Variants in FER observed in about 807,000 individuals in gnomAD.
FER encodes the protein tyrosine-protein kinase Fer.
Under a neutral mutation model 111.0 loss-of-function variants are expected in FER, and 63 were observed. The ratio of observed to expected loss-of-function variants is 0.57; its 90% CI spans 0.46 to 0.70. FER has a LOEUF of 0.70. Ranked by LOEUF, FER falls within the 30% of genes least tolerant of loss-of-function variation. FER has a pLI of 0.00. For missense variants in FER, 914 were observed against 954.0 expected (o/e 0.96, Z 0.55); for synonymous variants, 327 against 313.9 (o/e 1.04, Z -0.44).
chr5:109,080,335 G>A (rs1026269626), intron 16 of FER, among the ~76,000 whole-genome samples: 1 of 152,054 alleles, frequency 6.6e-6, no homozygotes, highest in Non-Finnish European at 1.5e-5. Flanking sequence ...TCTGGGAAGT[G>A]ATGAAAGACC....
chr5:109,112,660 G>C (rs1045144859), intron 17 of FER, among the ~76,000 whole-genome samples: 4 of 152,122 alleles, frequency 2.6e-5, no homozygotes, highest in Non-Finnish European at 4.4e-5. Flanking sequence ...GTTTTAGCTG[G>C]TGTGTTTCGA....
intron 16 of FER, 95 bp downstream of exon 16, chr5:109,047,293 C>T: frequency 1.5e-6 from 1 of 686,620 alleles, no homozygotes; most frequent in South Asian, 2.1e-5. Context: ...CTCGTAAAGT[C>T]TCCAAGGATT....
chr5:108,931,901 A>T (rs941022659), intron 10 of FER, among the ~76,000 whole-genome samples: 1 of 152,066 alleles, frequency 6.6e-6, no homozygotes, highest in African/African-American at 2.4e-5. Context: ...TGTCCATTTG[A>T]ATGTGGTAAT....
intron 16 of FER, among the ~76,000 whole-genome samples, chr5:109,077,184 A>G (rs1776444612): frequency 6.6e-6 from 1 of 152,232 alleles, no homozygotes; most frequent in South Asian, 2.1e-4. Context: ...ATGTTGAGGC[A>G]CTGTGGGGCA....
intron 8 of FER, among the ~76,000 whole-genome samples, chr5:108,874,312 C>T (rs1419227702): frequency 6.6e-6 from 1 of 152,044 alleles, no homozygotes. Context: ...GCTCATAAAT[C>T]ATTGTTTCTT....
At chr5:108,759,208 A>T (rs112489411) in intron 1 of FER, among the ~76,000 whole-genome samples, 283 of 152,346 alleles carry the variant, frequency 1.9e-3, no homozygotes, top group African/African-American at 6.1e-3. Context: ...CATCACTCTT[A>T]AGTTCTGCCT....
rs779152611 is a variant in FER at position 108,897,659 on chromosome 5, T to A, written c.1047T>A (p.Asp349Glu). Residue 349 changes from aspartate to glutamate, a missense_variant and splice_region_variant, in exon 10 of 20, where the codon GAT becomes GAA. Asp to Glu is a conservative substitution (Grantham distance 45, BLOSUM62 2). Transcript: ENST00000281092. ...ATCATTTATATTTATTCTCTTTTAG[T>A]ATTGTGCTTCTGCTAAGCCAAAAAC... is the stretch of plus-strand genomic sequence containing the variant. Reference protein sequence around the residue: ...ESSETCEKKSDIVLLLSQKQA... With the variant: ...ESSETCEKKSEIVLLLSQKQA... 2.5e-6 allele frequency: 4 copies of A among 1,583,944 alleles called. No individual in the cohort carries two copies. In the South Asian group the frequency reaches 4.7e-5, roughly 19 times the overall value.
chr5:108,955,860 T>C lies in FER; in HGVS notation c.1533+928T>C, dbSNP rs1160992123. 2.0e-5 allele frequency among the ~76,000 whole-genome samples: 3 copies of C among 151,798 alleles called. No individual in the cohort carries two copies. In the East Asian group the frequency reaches 5.8e-4, roughly 29 times the overall value. The stretch of plus-strand genomic sequence containing the variant: ...GCACATGTGCACATACATCTCTTAA[T>C]AAGTTTATATATATATAAAACGTAT... On this transcript the variant is annotated intron_variant, in intron 12 of 19. Coordinates refer to ENST00000281092, the MANE Select transcript of FER (RefSeq NM_005246.4).
intron 10 of FER, chr5:108,924,633 T>G: frequency 8.1e-7 from 1 of 1,231,768 alleles, no homozygotes; most frequent in Non-Finnish European, 1.0e-6. Flanking sequence ...TTGGGCCCAC[T>G]GTCACTATCT....
At position 109,093,597 on chromosome 5, in the gene FER, A is replaced by G. The variant is rs1190309480; in HGVS notation, c.1925-6799A>G. 2.0e-4 allele frequency among the ~76,000 whole-genome samples: 31 copies of G among 152,190 alleles called. 1 individual carries two copies. Among genetic ancestry groups the G allele is most frequent in the Admixed American group, 2.0e-3 (31 of 15,280 alleles). ...TGATATCATTGTTTTGGGGATCTTA[A>G]TATCCCTAAAATATCTGGGTTATGA... On this transcript the variant is annotated intron_variant, in intron 16 of 19. Transcript: ENST00000281092.
chr5:109,045,648 A>G (rs1057494375), intron 15 of FER, among the ~76,000 whole-genome samples: 9 of 152,244 alleles, frequency 5.9e-5, no homozygotes. Flanking sequence ...AGAAAAGCTT[A>G]CTATTAAACG....
intron 4 of FER, among the ~76,000 whole-genome samples, chr5:108,834,448 A>G (rs943478689): frequency 3.5e-4 from 54 of 152,318 alleles, no homozygotes; most frequent in African/African-American, 1.2e-3. Flanking sequence ...CTGTAATCCC[A>G]GCACTTTGGG....
intron 2 of FER, among the ~76,000 whole-genome samples, chr5:108,778,473 C>G (rs1403162234): frequency 6.6e-6 from 1 of 152,146 alleles, no homozygotes; most frequent in East Asian, 1.9e-4. Flanking sequence ...CCTGTTGTTC[C>G]ACATCCTCAC....
Position 108,845,022 on chromosome 5 carries a change from A to ATG in FER, c.481+9216_481+9217insGT, listed in dbSNP as rs1386293629. 1.5e-3 allele frequency among the ~76,000 whole-genome samples: 76 copies of ATG among 52,196 alleles called. No homozygotes were observed. In the East Asian group the frequency reaches 0.024, roughly 16 times the overall value. The allele number at this position is 52,196 out of a possible 152,430, so 34.2% of individuals were successfully genotyped here. A position where few individuals can be genotyped will look rare whatever the true frequency, so the allele number is the denominator to read the frequency against. Reference sequence around the variant, plus strand: ...TATATATATATATATATATATATATATATATATATATATATATACATATAT... The same window carrying ATG: ...TATATATATATATATATATATATATATGTATATATATATATATATACATATAT... On this transcript the variant is annotated intron_variant, in intron 5 of 19. Transcript: ENST00000281092.
chr5:108,860,267 A>G (rs1763391543), intron 5 of FER, among the ~76,000 whole-genome samples: 1 of 151,462 alleles, frequency 6.6e-6, no homozygotes, highest in Non-Finnish European at 1.5e-5. Flanking sequence ...TTAATGCTTT[A>G]TAGGAGCATA....
chr5:108,853,192 CTT>C lies in FER; in HGVS notation c.482-14571_482-14570del, dbSNP rs145158734. On this transcript the variant is annotated intron_variant, in intron 5 of 19. Transcript: ENST00000281092. ...AGGTAAAATTATAATCTTTCAATAA[CTT>C]TTTAAAAATTGATTTGTTTAAATTT... 6.2e-3 allele frequency among the ~76,000 whole-genome samples: 947 copies of C among 152,138 alleles called. 15 individuals are homozygous for C. Among genetic ancestry groups the C allele is most frequent in the African/African-American group, 0.022 (897 of 41,530 alleles).
chr5:109,196,507 G>C lies in FER; in HGVS notation c.*8932G>C, dbSNP rs996813053. ...TAAAACACAAACAAGGCTTTGGCGGGTTTATCTGGCTTTATAAACAAGTCT... is the reference window on the plus strand; with the variant it reads ...TAAAACACAAACAAGGCTTTGGCGGCTTTATCTGGCTTTATAAACAAGTCT... On this transcript the variant is annotated 3_prime_UTR_variant, in exon 20 of 20. Transcript: ENST00000281092. 1 of 152,168 alleles carries C rather than the reference G, an allele frequency of 6.6e-6. No homozygotes were observed. Among genetic ancestry groups the C allele is most frequent in the African/African-American group, 2.4e-5 (1 of 41,452 alleles). 9.4% of individuals were successfully genotyped at this position (152,168 alleles called of 1,614,324 possible).
At chr5:108,788,794 C>A (rs937873099) in intron 2 of FER, among the ~76,000 whole-genome samples, 1 of 152,114 alleles carries the variant, frequency 6.6e-6, no homozygotes, top group African/African-American at 2.4e-5. Flanking sequence ...GCAGCTGAAA[C>A]GATTATAGTT....
chr5:108,797,643 T>C (rs954335708), intron 2 of FER, among the ~76,000 whole-genome samples: 1 of 152,218 alleles, frequency 6.6e-6, no homozygotes, highest in Non-Finnish European at 1.5e-5. Flanking sequence ...CGAGACTGTG[T>C]TTTCTACCCT....
Sources: allele counts gnomAD v4.1 joint callset (sites outside exome capture counted in the v4.1 genomes callset), GRCh38; gene constraint gnomAD v4.1.1; transcripts MANE v1.5; gene names NCBI Gene and HGNC (gene_info 2026-07-23, HGNC 2026-07-21).